EOGT: variants seen among roughly 807,000 people sequenced by gnomAD.
EOGT encodes the protein EGF domain-specific O-linked N-acetylglucosamine transferase.
Under a neutral mutation model 70.5 loss-of-function variants are expected in EOGT, and 55 were observed. The ratio of observed to expected loss-of-function variants is 0.78; its 90% CI spans 0.63 to 0.98. The LOEUF is 0.98. Ranked by LOEUF, EOGT falls within the 50% of genes least tolerant of loss-of-function variation. The pLI is 0.00. For synonymous variants in EOGT, 246 were observed against 217.1 expected, an observed-to-expected ratio of 1.13 and a Z score of -1.17; for missense variants, 703 against 641.9, an observed-to-expected ratio of 1.10 and a Z score of -1.03.
chr3:68,980,422 G>A (rs1430103414), intron 15 of EOGT, among the ~76,000 whole-genome samples: 1 of 151,578 alleles, frequency 6.6e-6, no homozygotes, highest in Non-Finnish European at 1.5e-5. Context: ...CTGTACAAGT[G>A]TTCTCTAAAT....
chr3:69,004,274 T>C lies in EOGT; in HGVS notation c.620+104A>G, dbSNP rs550151783. Reference sequence around the variant, plus strand: ...TCCCAGAAGCTCATGCCAAATTATGTACAAATGAAGTAACATTTTCCATTT... The same window carrying C: ...TCCCAGAAGCTCATGCCAAATTATGCACAAATGAAGTAACATTTTCCATTT... On this transcript the variant is annotated intron_variant, in intron 8 of 17. Coordinates refer to ENST00000383701, the MANE Select transcript of EOGT (RefSeq NM_001278689.2). 59 of 837,922 alleles carry C rather than the reference T, an allele frequency of 7.0e-5. No individual in the cohort carries two copies. In the African/African-American group the frequency reaches 9.0e-4, roughly 13 times the overall value. The allele number at this position is 837,922 out of a possible 1,614,324, so 51.9% of individuals were successfully genotyped here.
At chr3:68,989,088 A>C in intron 10 of EOGT, 71 bp from the exon 11 acceptor site, 1 of 836,800 alleles carries the variant, frequency 1.2e-6, no homozygotes, top group Non-Finnish European at 1.8e-6. Context: ...AGATGCAACA[A>C]AATACCTGAA....
intron 8 of EOGT, 49 bp from the exon 9 acceptor site, chr3:69,001,763 C>A (rs762564403): frequency 7.6e-5 from 95 of 1,252,466 alleles, no homozygotes; most frequent in Admixed American, 2.7e-4. Context: ...TCCCAAACTT[C>A]CTATTAGAAC....
intron 10 of EOGT, among the ~76,000 whole-genome samples, chr3:68,997,503 G>C (rs2091183403): frequency 6.6e-6 from 1 of 151,902 alleles, no homozygotes; most frequent in African/African-American, 2.4e-5. Flanking sequence ...TGAGTAGCTG[G>C]GACAACATGT....
At chr3:68,981,526 C>A (rs1048526744) in intron 15 of EOGT, among the ~76,000 whole-genome samples, 2 of 152,176 alleles carry the variant, frequency 1.3e-5, no homozygotes, top group African/African-American at 4.8e-5. Context: ...GAAGTTTTCA[C>A]TTTTCCTTTT....
At chr3:69,002,224 G>A (rs942399313) in intron 8 of EOGT, among the ~76,000 whole-genome samples, 1 of 152,168 alleles carries the variant, frequency 6.6e-6, no homozygotes, top group Non-Finnish European at 1.5e-5. Flanking sequence ...TGAGTCTAGA[G>A]ATGGCTACAG....
At chr3:68,990,115 T>C (rs1419793733) in intron 10 of EOGT, among the ~76,000 whole-genome samples, 1 of 152,128 alleles carries the variant, frequency 6.6e-6, no homozygotes, top group African/African-American at 2.4e-5. Context: ...GGCAGTTTTT[T>C]TGGGCACTTG....
chr3:69,001,728 T>C lies in EOGT; in HGVS notation c.621-14A>G. The C allele has an allele frequency of 1.3e-6, 2 of 1,556,442 alleles. No individual in the cohort carries two copies. Among genetic ancestry groups the C allele is most frequent in the Non-Finnish European group, 1.8e-6 (2 of 1,130,036 alleles). ...AGCTCAGCAAACCTGAAATTATGAA[T>C]TGGGACATGACTTCAAACTGATTCT... On this transcript the variant is annotated splice_polypyrimidine_tract_variant and intron_variant, in intron 8 of 17. Transcript: ENST00000383701.
chr3:68,979,538 T>G, intron 16 of EOGT, 130 bp downstream of exon 16: 1 of 1,008,196 alleles, frequency 9.9e-7, no homozygotes. Flanking sequence ...CTTTCCAGAT[T>G]GTCTATATGA....
intron 6 of EOGT, 85 bp downstream of exon 6, chr3:69,007,628 G>A (rs761225669): frequency 7.5e-5 from 62 of 829,314 alleles, no homozygotes; most frequent in Middle Eastern, 6.8e-4. Flanking sequence ...CTCCAGCCAG[G>A]GCAATAGACA....
Position 68,976,609 on chromosome 3 carries a change from C to T in EOGT, c.*1009G>A, listed in dbSNP as rs1452156500. 3 of 149,558 alleles carry T rather than the reference C, an allele frequency of 2.0e-5. No homozygotes were observed. The highest frequency in any genetic ancestry group is 7.5e-5 in the African/African-American group (3 of 39,942). The allele number at this position is 149,558 out of a possible 1,614,324, so 9.3% of individuals were successfully genotyped here. On this transcript the variant is annotated 3_prime_UTR_variant, in exon 18 of 18. Transcript: ENST00000383701. ...ACTAAACGCTGATCTATAACATGGT[C>T]CTATAGCTTGGTACTGAGAATCACA... is the stretch of plus-strand genomic sequence containing the variant.
At chr3:68,987,806 A>ACCTCC in intron 13 of EOGT, 1 of 453,950 alleles carries the variant, frequency 2.2e-6, no homozygotes, top group Non-Finnish European at 3.9e-6. Context: ...GGGAGATATA[A>ACCTCC]CCAATGAAGG....
intron 14 of EOGT, among the ~76,000 whole-genome samples, chr3:68,986,029 ATC>A (rs1399877768): frequency 6.6e-6 from 1 of 152,190 alleles, no homozygotes; most frequent in Non-Finnish European, 1.5e-5. Context: ...GCAACATGGC[ATC>A]TCTCTGGCCC....
At chr3:69,000,172 G>C (rs774633325) in intron 9 of EOGT, among the ~76,000 whole-genome samples, 1 of 152,178 alleles carries the variant, frequency 6.6e-6, no homozygotes, top group Non-Finnish European at 1.5e-5. Context: ...GCTGCAATGA[G>C]CTGTGATCAT....
At chr3:68,983,645 G>A (rs921436996) in intron 14 of EOGT, among the ~76,000 whole-genome samples, 1 of 152,202 alleles carries the variant, frequency 6.6e-6, no homozygotes, top group Non-Finnish European at 1.5e-5. Context: ...GTGTCGTTAG[G>A]TTTACTTCAC....
intron 10 of EOGT, among the ~76,000 whole-genome samples, chr3:68,995,038 G>C (rs1353635233): frequency 2.6e-5 from 4 of 151,974 alleles, no homozygotes; most frequent in Non-Finnish European, 5.9e-5. Flanking sequence ...GAGAGGGAAA[G>C]GCCCCATAGG....
intron 4 of EOGT, among the ~76,000 whole-genome samples, chr3:69,009,418 G>A (rs968320012): frequency 6.6e-6 from 1 of 152,100 alleles, no homozygotes; most frequent in Non-Finnish European, 1.5e-5. Flanking sequence ...CTACTTATTT[G>A]TTTTAGAAGT....
At chr3:68,989,736 G>A (rs1355493422) in intron 10 of EOGT, among the ~76,000 whole-genome samples, 39 of 102,722 alleles carry the variant, frequency 3.8e-4, no homozygotes, top group African/African-American at 1.1e-3. Flanking sequence ...CAACAAGAGC[G>A]AAACTCCATC....
chr3:68,982,992 TAAC>T (rs745618670), intron 14 of EOGT, 120 bp from the exon 15 acceptor site: 15 of 571,200 alleles, frequency 2.6e-5, no homozygotes, highest in South Asian at 4.7e-5. Flanking sequence ...TATCATTTGG[TAAC>T]AACAACAACA....
Sources: gnomAD v4.1 joint callset for allele counts (sites outside exome capture counted in the v4.1 genomes callset) on GRCh38, gnomAD v4.1.1 for gene constraint, MANE v1.5 for transcripts, NCBI Gene and HGNC (gene_info 2026-07-23, HGNC 2026-07-21) for gene names.